PPCDC: variants seen among roughly 807,000 people sequenced by gnomAD.
The protein encoded by PPCDC is phosphopantothenoylcysteine decarboxylase.
Under a neutral mutation model 20.7 loss-of-function variants are expected in PPCDC, and 20 were observed. The ratio of observed to expected loss-of-function variants is 0.97; its 90% CI spans 0.68 to 1.41. The LOEUF (loss-of-function observed/expected upper bound fraction) is 1.41, where lower values mean the gene tolerates loss of function less well. Among genes scored for constraint, PPCDC ranks in the 40% most tolerant of loss-of-function variants. PPCDC has a pLI of 0.00. For missense variants in PPCDC, 246 were observed against 263.8 expected (o/e 0.93, Z 0.47); for synonymous variants, 88 against 100.3 (o/e 0.88, Z 0.73).
chr15:75,040,323 C>G (rs923822120), intron 2 of PPCDC, among the ~76,000 whole-genome samples: 2 of 151,876 alleles, frequency 1.3e-5, no homozygotes, highest in African/African-American at 2.4e-5. Flanking sequence ...AGCAATCTGC[C>G]TGCCTCAGTC....
chr15:75,043,406 C>T, intron 2 of PPCDC, 35 bp from the exon 3 acceptor site: 2 of 1,563,760 alleles, frequency 1.3e-6, no homozygotes, highest in Non-Finnish European at 8.7e-7. Flanking sequence ...CAGTTTCTTC[C>T]TCCCTCCCCG....
rs1293899609 is a variant in PPCDC, at chr15:75,050,151, T to C, written c.*916T>C. On this transcript the variant is annotated 3_prime_UTR_variant, in exon 6 of 6. Coordinates refer to ENST00000342932, the MANE Select transcript of PPCDC (RefSeq NM_021823.5). ...AGAGCTTTCCTAGCATTTACTGCAA[T>C]GCCCTGTCTCATTTTGGGAAAAAGG... is the stretch of plus-strand genomic sequence containing the variant. The C allele has an allele frequency of 2.0e-5, 3 of 152,388 alleles. No homozygotes were observed. The highest frequency in any genetic ancestry group is 2.1e-4 in the South Asian group (1 of 4,832). 9.4% of individuals were successfully genotyped at this position (152,388 alleles called of 1,614,324 possible).
intron 1 of PPCDC, among the ~76,000 whole-genome samples, chr15:75,027,481 G>A (rs968911743): frequency 3.9e-5 from 6 of 152,074 alleles, no homozygotes; most frequent in Non-Finnish European, 5.9e-5. Flanking sequence ...TGATTTGTAC[G>A]GTGGTGCCCA....
intron 2 of PPCDC, among the ~76,000 whole-genome samples, chr15:75,034,544 CAT>C (rs1438069492): frequency 1.3e-5 from 2 of 152,196 alleles, no homozygotes; most frequent in African/African-American, 4.8e-5. Context: ...TCCCGCGCCT[CAT>C]GTGCCAACCG....
Position 75,049,488 on chromosome 15 carries a change from A to T in PPCDC, c.*253A>T. Reference sequence around the variant, plus strand: ...TCCTGGATGGGTGAGGCAAGCCAGGAGAGCAAGCAGTGTTGTCCTCACGGG... The same window carrying T: ...TCCTGGATGGGTGAGGCAAGCCAGGTGAGCAAGCAGTGTTGTCCTCACGGG... On this transcript the variant is annotated 3_prime_UTR_variant, in exon 6 of 6. Transcript: ENST00000342932. The T allele has an allele frequency of 2.0e-6, 1 of 511,026 alleles. No homozygotes were observed. Among genetic ancestry groups the T allele is most frequent in the Non-Finnish European group, 3.5e-6 (1 of 282,580 alleles). 31.7% of individuals were successfully genotyped at this position (511,026 alleles called of 1,614,324 possible).
chr15:75,029,405 C>T (rs1223499171), intron 2 of PPCDC, among the ~76,000 whole-genome samples: 1 of 152,178 alleles, frequency 6.6e-6, no homozygotes, highest in African/African-American at 2.4e-5. Flanking sequence ...TGGCTTTTCC[C>T]TCTTGTTATC....
At chr15:75,026,749 G>A (rs1310681678) in intron 1 of PPCDC, among the ~76,000 whole-genome samples, 1 of 152,146 alleles carries the variant, frequency 6.6e-6, no homozygotes, top group East Asian at 1.9e-4. Context: ...GCATCTTCTA[G>A]GACCTTCTGT....
rs529573589 is a variant in PPCDC at position 75,032,265 on chromosome 15, A to G, written c.135+3812A>G. ...AAGGGGATTTCTAAAGATAGAGAAA[A>G]CCCCCAACTCAAGGAGTCAGCAGGC... On this transcript the variant is annotated intron_variant, in intron 2 of 5. Coordinates refer to ENST00000342932, the MANE Select transcript of PPCDC (RefSeq NM_021823.5). Among the ~76,000 whole-genome samples the G allele has an allele frequency of 1.3e-4, 20 of 151,976 alleles. No homozygotes were observed. In the East Asian group the frequency reaches 2.7e-3, roughly 21 times the overall value.
chr15:75,044,573 T>A (rs1426025709), intron 4 of PPCDC, 59 bp downstream of exon 4: 1 of 1,579,822 alleles, frequency 6.3e-7, no homozygotes, highest in Non-Finnish European at 8.6e-7. Flanking sequence ...TTTGCTGAGC[T>A]GCAGACATCC....
chr15:75,043,870 G>A (rs543246709), intron 3 of PPCDC: 7 of 341,304 alleles, frequency 2.1e-5, no homozygotes, highest in East Asian at 2.0e-4. Context: ...TGAAGAGAAC[G>A]CCTCACTTCC....
chr15:75,030,090 C>A (rs1379976983), intron 2 of PPCDC, among the ~76,000 whole-genome samples: 1 of 152,168 alleles, frequency 6.6e-6, no homozygotes, highest in Non-Finnish European at 1.5e-5. Context: ...CTTGGCTTCC[C>A]CTCTCTGGTT....
chr15:75,025,436 A>G (rs1849969582), intron 1 of PPCDC, among the ~76,000 whole-genome samples: 1 of 152,158 alleles, frequency 6.6e-6, no homozygotes, highest in African/African-American at 2.4e-5. Flanking sequence ...ACCTTTGCCC[A>G]TATAGGGACT....
rs767040372 is a variant in PPCDC, at chr15:75,049,857, G to GGCACTCTT, written c.*622_*623insGCACTCTT. ...AACTCACCGGCACTCTTTAGTCCCC[G>GGCACTCTT]TATAACATGGTGGTTAAGGATAAAG... On this transcript the variant is annotated 3_prime_UTR_variant, in exon 6 of 6. Transcript: ENST00000342932. The GGCACTCTT allele has an allele frequency of 1.1e-3, 162 of 152,454 alleles. No individual in the cohort carries two copies. Among genetic ancestry groups the GGCACTCTT allele is most frequent in the Non-Finnish European group, 1.9e-3 (128 of 68,190 alleles). The allele number at this position is 152,454 out of a possible 1,614,324, so 9.4% of individuals were successfully genotyped here.
rs1183478981 is a variant in PPCDC, at chr15:75,049,262, T to A, written c.*27T>A. On this transcript the variant is annotated 3_prime_UTR_variant, in exon 6 of 6. Coordinates refer to ENST00000342932, the MANE Select transcript of PPCDC (RefSeq NM_021823.5). The stretch of plus-strand genomic sequence containing the variant: ...CTGGGATTTCTGTCATGGGTGTCCC[T>A]CTGTACTCAGAATGGGTTCAGGCCA... The A allele has an allele frequency of 1.2e-6, 2 of 1,603,978 alleles. No homozygotes were observed. The highest frequency in any genetic ancestry group is 1.7e-6 in the Non-Finnish European group (2 of 1,170,874).
At chr15:75,030,461 G>A (rs2066008317) in intron 2 of PPCDC, among the ~76,000 whole-genome samples, 1 of 152,260 alleles carries the variant, frequency 6.6e-6, no homozygotes, top group Non-Finnish European at 1.5e-5. Context: ...CTCTTGTGGA[G>A]GGCCCATGCC....
chr15:75,043,606 G>A (rs1388933977), intron 3 of PPCDC, 70 bp downstream of exon 3: 18 of 1,349,268 alleles, frequency 1.3e-5, no homozygotes, highest in Middle Eastern at 2.0e-4. Flanking sequence ...TCCTCCCTAC[G>A]GCCTATGGTC....
At chr15:75,029,762 G>A (rs984247671) in intron 2 of PPCDC, among the ~76,000 whole-genome samples, 2 of 152,204 alleles carry the variant, frequency 1.3e-5, no homozygotes, top group African/African-American at 4.8e-5. Flanking sequence ...AGCTAGAGCC[G>A]TGAGGGTGGG....
chr15:75,036,914 G>A (rs901283865), intron 2 of PPCDC, among the ~76,000 whole-genome samples: 7 of 151,928 alleles, frequency 4.6e-5, no homozygotes, highest in African/African-American at 1.2e-4. Context: ...CAAGCAATCC[G>A]CCCGTCTCTG....
rs1166817442 is a variant in PPCDC at position 75,049,608 on chromosome 15, G to A, written c.*373G>A. ...CTGGAGAGTCCTGGCTGAGCCTTGG[G>A]AGTTTCAGCTCTTTGGCGGGGTGCC... On this transcript the variant is annotated 3_prime_UTR_variant, in exon 6 of 6. Transcript: ENST00000342932. 2 of 188,996 alleles carry A rather than the reference G, an allele frequency of 1.1e-5. No individual in the cohort carries two copies. Among genetic ancestry groups the A allele is most frequent in the Non-Finnish European group, 2.2e-5 (2 of 91,756 alleles). The allele number at this position is 188,996 out of a possible 1,614,324, so 11.7% of individuals were successfully genotyped here.
Sources: allele counts gnomAD v4.1 joint callset (sites outside exome capture counted in the v4.1 genomes callset), GRCh38; gene constraint gnomAD v4.1.1; transcripts MANE v1.5; gene names NCBI Gene and HGNC (gene_info 2026-07-23, HGNC 2026-07-21).